NBPF12: variants seen among roughly 807,000 people sequenced by gnomAD.
The protein encoded by NBPF12 is NBPF member 12, also known as NBPF family member NBPF12.
Under a neutral mutation model 146.4 loss-of-function variants are expected in NBPF12, and 115 were observed. That is an observed-to-expected ratio of 0.79 (90% CI 0.68 to 0.92). The LOEUF (loss-of-function observed/expected upper bound fraction) is 0.92, where lower values mean the gene tolerates loss of function less well. NBPF12 is among the 40% of genes least tolerant of loss of function. NBPF12 has a pLI of 0.00. For synonymous variants in NBPF12, 385 were observed against 508.9 expected (o/e 0.76, Z 3.28); for missense variants, 1,205 against 1,326.8 (o/e 0.91, Z 1.43).
intron 6 of NBPF12, among the ~76,000 whole-genome samples, chr1:146,963,680 G>A (rs1301848793): frequency 6.6e-6 from 1 of 151,760 alleles, no homozygotes; most frequent in African/African-American, 2.4e-5. Context: ...GTCGGTGAGT[G>A]AGTGATTTAT....
upstream of NBPF12, among the ~76,000 whole-genome samples, chr1:146,948,701 G>C (rs1655182382): frequency 1.3e-5 from 2 of 151,976 alleles, no homozygotes; most frequent in Non-Finnish European, 2.9e-5. Flanking sequence ...GGAAGGGAAA[G>C]ACCTGACTGT....
chr1:146,955,013 T>TATATATATAC (rs1411814328), intron 2 of NBPF12, among the ~76,000 whole-genome samples: 11 of 67,496 alleles, frequency 1.6e-4, no homozygotes, highest in Non-Finnish European at 3.1e-4. Context: ...TATATATATA[T>TATATATATAC]ACACACACAC....
chr1:146,974,053 C>T lies in NBPF12; in HGVS notation c.1802-686C>T, dbSNP rs1366632929. 2.7e-5 allele frequency among the ~76,000 whole-genome samples: 4 copies of T among 150,940 alleles called. No individual in the cohort carries two copies. The East Asian group carries it at 7.8e-4, about 29-fold the overall frequency. The stretch of plus-strand genomic sequence containing the variant: ...CAATAATACCTACCTCTGTAAATTG[C>T]TGCAATGAATTACATCAGCTATTTC... On this transcript the variant is annotated intron_variant, in intron 14 of 33. Transcript: ENST00000617844.
At chr1:146,977,852 G>C (rs1199191370) in intron 18 of NBPF12, among the ~76,000 whole-genome samples, 181 bp downstream of exon 21, 1 of 152,008 alleles carries the variant, frequency 6.6e-6, no homozygotes, top group East Asian at 1.9e-4. Flanking sequence ...CCAGTCCCCA[G>C]TATCAAGTTA....
At chr1:146,987,755 G>GTGTGTGTGTGTGTGTGTGTGTGTC (rs1657879866) in intron 25 of NBPF12, among the ~76,000 whole-genome samples, 199 bp from the exon 29 acceptor site, 39 of 151,552 alleles carry the variant, frequency 2.6e-4, no homozygotes, top group African/African-American at 8.8e-4. Flanking sequence ...GTGTGTGTGT[G>GTGTGTGTGTGTGTGTGTGTGTGTC]TGTGTCTGTC....
intron 6 of NBPF12, among the ~76,000 whole-genome samples, chr1:146,963,657 C>T (rs1451077582): frequency 3.3e-5 from 5 of 151,840 alleles, no homozygotes; most frequent in Admixed American, 3.3e-4. Context: ...GTCTTTTTGG[C>T]AATGTTCTTA....
chr1:146,977,868 C>G (rs1329174227), intron 18 of NBPF12, among the ~76,000 whole-genome samples, 197 bp downstream of exon 21: 1 of 152,038 alleles, frequency 6.6e-6, no homozygotes, highest in Non-Finnish European at 1.5e-5. Context: ...AGTTACTCGA[C>G]CCCAGGCAAG....
chr1:146,987,511 G>T (rs1458803594), intron 25 of NBPF12, among the ~76,000 whole-genome samples: 6 of 152,148 alleles, frequency 3.9e-5, no homozygotes, highest in African/African-American at 1.4e-4. Flanking sequence ...TTCAAAAACT[G>T]TATTCTCATG....
chr1:146,947,259 T>C (rs1277608208), upstream of NBPF12, among the ~76,000 whole-genome samples: 15 of 151,674 alleles, frequency 9.9e-5, no homozygotes, highest in South Asian at 4.2e-4. Context: ...CTTCTAGTAA[T>C]CTGTCAATAT....
chr1:146,951,566 T>G, intron 2 of NBPF12, 77 bp downstream of exon 5: 1 of 506,782 alleles, frequency 2.0e-6, no homozygotes, highest in Non-Finnish European at 3.5e-6. Context: ...GTCCTTTATT[T>G]TTCTCTCTAA....
chr1:146,972,320 G>T (rs1656699720), intron 13 of NBPF12, among the ~76,000 whole-genome samples: 1 of 151,186 alleles, frequency 6.6e-6, no homozygotes, highest in Admixed American at 6.6e-5. Context: ...CTTGAACCCG[G>T]GAGGCAGAGG....
chr1:146,955,185 A>G (rs1290660989), intron 2 of NBPF12, among the ~76,000 whole-genome samples: 1 of 66,998 alleles, frequency 1.5e-5, no homozygotes, highest in Non-Finnish European at 2.9e-5. Context: ...CAGTGCAACA[A>G]TGAGATACCA....
At chr1:146,984,403 C>T (rs1559528017) in intron 21 of NBPF12, among the ~76,000 whole-genome samples, 1 of 148,504 alleles carries the variant, frequency 6.7e-6, no homozygotes, top group Non-Finnish European at 1.5e-5. Flanking sequence ...TTGACCATAC[C>T]TCAAAAGCTG....
chr1:146,980,610 ATTCTT>A (rs1657310866), intron 19 of NBPF12, among the ~76,000 whole-genome samples: 1 of 151,958 alleles, frequency 6.6e-6, no homozygotes, highest in Non-Finnish European at 1.5e-5. Flanking sequence ...TTGGTTGAAA[ATTCTT>A]TTCTTTAAGA....
Position 146,964,448 on chromosome 1 carries a change from G to C in NBPF12, c.566+19G>C. ...CCCCCAGGTAACACTGAATACTCAG[G>C]AGCAAGTAATGGGTGGTAACATATG... On this transcript the variant is annotated intron_variant, in intron 7 of 33. Coordinates refer to ENST00000617844, the Ensembl canonical transcript of NBPF12. 6.3e-7 allele frequency: 1 copy of C among 1,598,694 alleles called. No homozygotes were observed. The highest frequency in any genetic ancestry group is 1.1e-5 in the South Asian group (1 of 90,720).
intron 33 of NBPF12, among the ~76,000 whole-genome samples, 178 bp from the exon 37 acceptor site, chr1:146,994,154 C>T (rs1362983577): frequency 7.3e-6 from 1 of 137,166 alleles, no homozygotes; most frequent in African/African-American, 3.0e-5. Flanking sequence ...CTTTCTCTTT[C>T]ATTGTTTTCT....
chr1:146,950,932 A>G (rs1262156047), intron 1 of NBPF12, among the ~76,000 whole-genome samples: 2 of 152,128 alleles, frequency 1.3e-5, no homozygotes, highest in Non-Finnish European at 2.9e-5. Flanking sequence ...ATGCTTAGGA[A>G]TTACTGAGTC....
In NBPF12 at chr1:146,973,696, T is replaced by C. The variant is rs1299693399; in HGVS notation, c.1801+736T>C. Among the ~76,000 whole-genome samples the C allele has an allele frequency of 8.1e-4, 113 of 139,976 alleles. 2 individuals carry two copies. The South Asian group carries it at 0.026, about 32-fold the overall frequency. 91.8% of individuals were successfully genotyped at this position (139,976 alleles called of 152,430 possible). On this transcript the variant is annotated intron_variant, in intron 14 of 33. Coordinates refer to ENST00000617844, the Ensembl canonical transcript of NBPF12. Reference sequence around the variant, plus strand: ...ACCCCTGCTCAGGAGGCTGAGGCAGTAGAATCCTTTGAACCCAGGAGGCTG... The same window carrying C: ...ACCCCTGCTCAGGAGGCTGAGGCAGCAGAATCCTTTGAACCCAGGAGGCTG...
In NBPF12 at chr1:146,983,328, CTG is replaced by C. The variant is rs1657507152; in HGVS notation, c.2614+239_2614+240del. ...CCATGCCCGTGCCAACCTGGACTGA[CTG>C]TCACGACATTGAACTCAAGGCAGGT... On this transcript the variant is annotated intron_variant, in intron 20 of 33. Transcript: ENST00000617844. 8 of 598,964 alleles carry C rather than the reference CTG, an allele frequency of 1.3e-5. 1 individual carries two copies. The highest frequency in any genetic ancestry group is 4.1e-4 in the Middle Eastern group (1 of 2,460). 37.1% of individuals were successfully genotyped at this position (598,964 alleles called of 1,614,324 possible).
Sources: gnomAD v4.1 joint callset for allele counts (sites outside exome capture counted in the v4.1 genomes callset) on GRCh38, gnomAD v4.1.1 for gene constraint, MANE v1.5 for transcripts, NCBI Gene and HGNC (gene_info 2026-07-23, HGNC 2026-07-21) for gene names.